MORC2: variants seen among roughly 807,000 people sequenced by gnomAD.
MORC2 encodes the protein MORC family CW-type zinc finger 2, also known as ATPase MORC2.
In MORC2, 30 loss-of-function variants were observed where a neutral mutation model predicts 136.0. The observed-to-expected ratio is 0.22, with a 90% CI of 0.17 to 0.30. MORC2 has a LOEUF of 0.30. Ranked by LOEUF, MORC2 falls within the 10% of genes least tolerant of loss-of-function variation. MORC2 has a pLI of 1.00. For synonymous variants in MORC2, 439 were observed against 487.0 expected, an observed-to-expected ratio of 0.90 and a Z score of 1.30; for missense variants, 922 against 1,333.1, an observed-to-expected ratio of 0.69 and a Z score of 4.80.
Position 30,959,000 on chromosome 22 carries a change from T to C in MORC2, c.69-306A>G, listed in dbSNP as rs16989224. ...AAAGTGTTTTTCACTATTCATATCC[T>C]GCCTAGAAAAATGCCTGTATATTTT... On this transcript the variant is annotated intron_variant, in intron 1 of 25. Coordinates refer to ENST00000397641, the MANE Select transcript of MORC2 (RefSeq NM_001303256.3). The C allele has an allele frequency of 8.6e-3, 1,885 of 218,388 alleles. 41 individuals are homozygous for C. The highest frequency in any genetic ancestry group is 0.041 in the African/African-American group (1,780 of 43,620). The allele number at this position is 218,388 out of a possible 1,614,324, so 13.5% of individuals were successfully genotyped here.
chr22:30,946,912 C>G (rs574012654), intron 5 of MORC2, among the ~76,000 whole-genome samples: 4 of 152,274 alleles, frequency 2.6e-5, no homozygotes, highest in Admixed American at 2.0e-4. Context: ...ATGCTGACCA[C>G]CCCCAGTTCC....
At position 30,934,988 on chromosome 22, in the gene MORC2, G is replaced by A. The variant is rs2040631106; in HGVS notation, c.1986C>T (p.Ala662=). The A allele has an allele frequency of 1.2e-6, 2 of 1,614,132 alleles. No individual in the cohort carries two copies. The highest frequency in any genetic ancestry group is 4.5e-5 in the East Asian group (2 of 44,872). The part of the protein sequence containing the change: ...KLPALAAREE[A]STSRLLQPPE... ...GTGGCTGGAGCAGCCTAGATGTGCT[G>A]GCCTCCTCCCGGGCTGCCAAAGCAG... is the stretch of plus-strand genomic sequence containing the variant. The change falls in exon 19 of 26, where the codon GCC becomes GCT. Residue 662 remains alanine (A), a synonymous_variant. Transcript: ENST00000397641. The surrounding 1 kb of genome is among the most constrained non-coding windows in gnomAD (Gnocchi z 4.4).
At chr22:30,943,285 C>G (rs1191194006) in intron 6 of MORC2, among the ~76,000 whole-genome samples, 1 of 152,140 alleles carries the variant, frequency 6.6e-6, no homozygotes, top group African/African-American at 2.4e-5. Context: ...ATCATTATCA[C>G]AAAAGTTACC....
chr22:30,954,952 ATT>A (rs34059352), intron 3 of MORC2, among the ~76,000 whole-genome samples: 2 of 105,318 alleles, frequency 1.9e-5, no homozygotes, highest in Non-Finnish European at 1.9e-5. Context: ...TGGCCTGAGC[ATT>A]TTTTTTTTTT....
Position 30,934,006 on chromosome 22 carries a change from G to C in MORC2, c.2325+54C>G. On this transcript the variant is annotated intron_variant, in intron 20 of 25. Coordinates refer to ENST00000397641, the MANE Select transcript of MORC2 (RefSeq NM_001303256.3). This position sits in a 1 kb window ranked among gnomAD's most constrained non-coding sequence, Gnocchi z 4.4. Reference sequence around the variant, plus strand: ...TGATGGGGGGTGCAGACTGCTGGTGGGGGCTGCAGGCCCTAGAGAGAGAGG... The same window carrying C: ...TGATGGGGGGTGCAGACTGCTGGTGCGGGCTGCAGGCCCTAGAGAGAGAGG... 6.2e-7 allele frequency: 1 copy of C among 1,607,566 alleles called. No individual in the cohort carries two copies. The highest frequency in any genetic ancestry group is 2.2e-5 in the East Asian group (1 of 44,832).
chr22:30,960,440 T>C (rs566891738), intron 1 of MORC2, among the ~76,000 whole-genome samples: 1 of 152,342 alleles, frequency 6.6e-6, no homozygotes, highest in East Asian at 1.9e-4. Flanking sequence ...CAAATTCTTC[T>C]GGGTAAAATC....
chr22:30,949,862 A>G lies in MORC2; in HGVS notation c.227-20T>C. 1 of 1,612,180 alleles carries G rather than the reference A, an allele frequency of 6.2e-7. No homozygotes were observed. The highest frequency in any genetic ancestry group is 8.5e-7 in the Non-Finnish European group (1 of 1,178,490). ...CATCACCTGAAAGGGCAGACACAAG[A>G]GAAAGTGAAAAGTTTGCATTTCTTT... On this transcript the variant is annotated intron_variant, in intron 4 of 25. Coordinates refer to ENST00000397641, the MANE Select transcript of MORC2 (RefSeq NM_001303256.3).
In MORC2 at chr22:30,937,985, G is replaced by C. The variant is rs373484497; in HGVS notation, c.1215-16C>G. On this transcript the variant is annotated splice_polypyrimidine_tract_variant and intron_variant, in intron 13 of 25. Transcript: ENST00000397641. This position sits in a 1 kb window ranked among gnomAD's most constrained non-coding sequence, Gnocchi z 4.7. ...GCCACATGCCCTACAGGGAGAAAGA[G>C]AACAAGCTCTGTCACCCCACTGGCA... 4 of 1,613,896 alleles carry C rather than the reference G, an allele frequency of 2.5e-6. No homozygotes were observed. Among genetic ancestry groups the C allele is most frequent in the African/African-American group, 2.7e-5 (2 of 74,854 alleles).
intron 5 of MORC2, among the ~76,000 whole-genome samples, chr22:30,947,349 C>T (rs1451083860): frequency 6.6e-6 from 1 of 152,254 alleles, no homozygotes; most frequent in African/African-American, 2.4e-5. Context: ...CAACGCAGGG[C>T]AGGGCAGAAG....
rs912792293 is a variant in MORC2, at chr22:30,933,625, T to G, written c.2326-105A>C. ...ATCAGCCATCATCTTCACGACTTCC[T>G]GTGCTACAGTTTAAATCACCAAGCC... On this transcript the variant is annotated intron_variant, in intron 20 of 25. Transcript: ENST00000397641. The G allele has an allele frequency of 1.2e-5, 14 of 1,136,440 alleles. No homozygotes were observed. The African/African-American group carries it at 1.7e-4, about 14-fold the overall frequency. 70.4% of individuals were successfully genotyped at this position (1,136,440 alleles called of 1,614,324 possible). A position where few individuals can be genotyped will look rare whatever the true frequency, so the allele number is the denominator to read the frequency against.
chr22:30,928,679 T>C (rs2040527946), intron 24 of MORC2, among the ~76,000 whole-genome samples: 2 of 152,240 alleles, frequency 1.3e-5, no homozygotes, highest in African/African-American at 2.4e-5. Context: ...TGGAGTAGTA[T>C]ATACTTCTAC....
chr22:30,946,656 T>C (rs2040820133), intron 5 of MORC2, among the ~76,000 whole-genome samples: 1 of 151,502 alleles, frequency 6.6e-6, no homozygotes. Context: ...TCCACAGGCC[T>C]GTAACTCCTT....
chr22:30,958,734 G>C, intron 1 of MORC2, 40 bp from the exon 2 acceptor site: 2 of 1,453,392 alleles, frequency 1.4e-6, no homozygotes, highest in Admixed American at 2.0e-5. Flanking sequence ...AAGAATTATT[G>C]AAGTTATAAT....
intron 2 of MORC2, among the ~76,000 whole-genome samples, chr22:30,957,780 C>A (rs1401673482): frequency 6.6e-6 from 1 of 152,288 alleles, no homozygotes; most frequent in East Asian, 1.9e-4. Context: ...AAACAACTAG[C>A]ACACTTCCAT....
chr22:30,935,779 G>GA (rs1265739932), intron 17 of MORC2, among the ~76,000 whole-genome samples: 6 of 151,696 alleles, frequency 4.0e-5, no homozygotes, highest in Non-Finnish European at 7.4e-5. Flanking sequence ...GACATATCTA[G>GA]AAAAAAACAT....
At chr22:30,931,030 G>T (rs1451178137) in intron 24 of MORC2, among the ~76,000 whole-genome samples, 2 of 152,154 alleles carry the variant, frequency 1.3e-5, no homozygotes, top group African/African-American at 4.8e-5. Flanking sequence ...TCCATGATCA[G>T]TCTCCTGACG....
intron 1 of MORC2, among the ~76,000 whole-genome samples, chr22:30,960,824 A>G (rs2041033795): frequency 6.6e-6 from 1 of 151,234 alleles, no homozygotes; most frequent in South Asian, 2.1e-4. Flanking sequence ...AAAAAAAAAA[A>G]AAAGTCCATA....
intron 6 of MORC2, among the ~76,000 whole-genome samples, chr22:30,945,370 C>T (rs575607865): frequency 6.6e-6 from 1 of 152,220 alleles, no homozygotes; most frequent in African/African-American, 2.4e-5. Flanking sequence ...ATGATTAAGG[C>T]TCAGATCTAA....
At chr22:30,948,884 CAA>C in intron 5 of MORC2, among the ~76,000 whole-genome samples, 1 of 152,310 alleles carries the variant, frequency 6.6e-6, no homozygotes, top group Admixed American at 6.5e-5. Context: ...AGACAAATCA[CAA>C]AGTCCGGATA....
Sources: gnomAD v4.1 joint callset for allele counts (sites outside exome capture counted in the v4.1 genomes callset) on GRCh38, gnomAD v4.1.1 for gene constraint, Gnocchi (gnomAD v3.1) non-coding constraint, MANE v1.5 for transcripts, NCBI Gene and HGNC (gene_info 2026-07-23, HGNC 2026-07-21) for gene names.